FSD1L: variants seen among roughly 807,000 people sequenced by gnomAD.
FSD1L encodes FSD1-like protein.
FSD1L carries 45 observed loss-of-function variants against 71.6 expected under a neutral mutation model. The observed-to-expected ratio is 0.63, with a 90% CI of 0.49 to 0.81. FSD1L has a LOEUF of 0.81. Ranked by LOEUF, FSD1L falls within the 30% of genes least tolerant of loss-of-function variation. FSD1L has a pLI of 0.00. For missense variants in FSD1L, 561 were observed against 618.1 expected (o/e 0.91, Z 0.98); for synonymous variants, 197 against 207.2 (o/e 0.95, Z 0.42).
chr9:105,521,889 GA>G (rs1835186673), intron 10 of FSD1L: 5 of 1,612,328 alleles, frequency 3.1e-6, no homozygotes, highest in Non-Finnish European at 4.2e-6. Context: ...ACCTGCAAAT[GA>G]AATAAAAAAT....
At chr9:105,546,246 G>A in intron 13 of FSD1L, 112 bp from the exon 14 acceptor site, 4 of 923,568 alleles carry the variant, frequency 4.3e-6, no homozygotes, top group Admixed American at 3.2e-5. Flanking sequence ...TAATGTGTTT[G>A]AGAATGATTG....
In FSD1L at chr9:105,457,481, C is replaced by T. The variant is rs78798156; in HGVS notation, c.16-4039C>T. ...TGATTACTGGGGAGAAAGATTGTTA[C>T]CAGAGTCTGATTAAGAAAAATTTTG... On this transcript the variant is annotated intron_variant, in intron 1 of 13. Coordinates refer to ENST00000481272, the MANE Select transcript of FSD1L (RefSeq NM_001145313.3). Among the ~76,000 whole-genome samples the T allele has an allele frequency of 9.2e-3, 1,406 of 152,284 alleles. 21 individuals carry two copies. Among genetic ancestry groups the T allele is most frequent in the African/African-American group, 0.032 (1,346 of 41,554 alleles).
rs147565825 is a variant in FSD1L at position 105,489,308 on chromosome 9, T to G, written c.586+4806T>G. ...GTAAATATTGCTTTGGAGTTCTGAG[T>G]AAAAATTTCTAATCACTGTTTGTGA... On this transcript the variant is annotated intron_variant, in intron 7 of 13. Transcript: ENST00000481272. Among the ~76,000 whole-genome samples the G allele has an allele frequency of 2.1e-3, 320 of 152,276 alleles. 1 individual carries two copies. Among genetic ancestry groups the G allele is most frequent in the Non-Finnish European group, 3.8e-3 (260 of 68,000 alleles).
In FSD1L at chr9:105,495,969, T is replaced by TA. The variant is rs753244834; in HGVS notation, c.587-10414dup. 4.1e-3 allele frequency among the ~76,000 whole-genome samples: 555 copies of TA among 135,044 alleles called. 3 individuals carry two copies. Among genetic ancestry groups the TA allele is most frequent in the African/African-American group, 0.012 (421 of 36,328 alleles). The allele number at this position is 135,044 out of a possible 152,430, so 88.6% of individuals were successfully genotyped here. ...CCTGGCAGCAGAGTGAGACTCCATCTAAAAAAAAAAAAAAAAGAAAAGGAA... is the reference window on the plus strand; with the variant it reads ...CCTGGCAGCAGAGTGAGACTCCATCTAAAAAAAAAAAAAAAAAGAAAAGGAA... On this transcript the variant is annotated intron_variant, in intron 7 of 13. Transcript: ENST00000481272.
intron 1 of FSD1L, among the ~76,000 whole-genome samples, chr9:105,451,508 T>C (rs1304969394): frequency 1.3e-5 from 2 of 152,358 alleles, no homozygotes; most frequent in South Asian, 2.1e-4. Flanking sequence ...TCAGTGTTAA[T>C]GTTAGCAGCA....
At chr9:105,469,777 TAA>T (rs1198377590) in intron 4 of FSD1L, among the ~76,000 whole-genome samples, 1 of 151,996 alleles carries the variant, frequency 6.6e-6, no homozygotes, top group African/African-American at 2.4e-5. Context: ...AGAGAAGTTT[TAA>T]AGTTTTACGT....
At chr9:105,533,281 T>C (rs1211103958) in intron 10 of FSD1L, among the ~76,000 whole-genome samples, 1 of 151,974 alleles carries the variant, frequency 6.6e-6, no homozygotes, top group Non-Finnish European at 1.5e-5. Flanking sequence ...AACATCCCAA[T>C]ACTCCAGTTT....
intron 9 of FSD1L, among the ~76,000 whole-genome samples, chr9:105,511,802 C>T (rs1348060560): frequency 6.6e-6 from 1 of 152,030 alleles, no homozygotes; most frequent in African/African-American, 2.4e-5. Context: ...ACAAAATAAA[C>T]CTATAGAGAG....
At chr9:105,535,960 C>T (rs555489986) in intron 12 of FSD1L, among the ~76,000 whole-genome samples, 3 of 152,292 alleles carry the variant, frequency 2.0e-5, no homozygotes, top group African/African-American at 7.2e-5. Context: ...CAGAATGACT[C>T]ATGATATCTT....
At chr9:105,533,927 TAGTC>T (rs1026233880) in intron 10 of FSD1L, among the ~76,000 whole-genome samples, 6 of 152,218 alleles carry the variant, frequency 3.9e-5, no homozygotes, top group East Asian at 1.9e-4. Context: ...TTCTCCACGT[TAGTC>T]AGGCTCGTCT....
intron 1 of FSD1L, among the ~76,000 whole-genome samples, chr9:105,451,219 A>T (rs986454318): frequency 6.6e-6 from 1 of 152,192 alleles, no homozygotes; most frequent in African/African-American, 2.4e-5. Context: ...TCGGCCTCCC[A>T]AAGTGCTGGG....
intron 1 of FSD1L, among the ~76,000 whole-genome samples, chr9:105,458,568 T>TG (rs1830496422): frequency 2.6e-5 from 4 of 151,928 alleles, no homozygotes; most frequent in Admixed American, 2.6e-4. Context: ...GGGCTCAAAG[T>TG]GGGGAAGTGC....
At chr9:105,447,531 A>T (rs1215671485), upstream of FSD1L, among the ~76,000 whole-genome samples, 1 of 151,824 alleles carries the variant, frequency 6.6e-6, no homozygotes, top group East Asian at 1.9e-4. Context: ...CCCCGGGAAA[A>T]ACTGTGCCAG....
chr9:105,443,842 C>T (rs1248434927), upstream of FSD1L, among the ~76,000 whole-genome samples: 2 of 152,248 alleles, frequency 1.3e-5, no homozygotes, highest in Admixed American at 6.5e-5. Flanking sequence ...CACTACATGC[C>T]AGACACTGTG....
intron 3 of FSD1L, among the ~76,000 whole-genome samples, chr9:105,467,467 T>C (rs571256290): frequency 2.6e-4 from 39 of 152,288 alleles, no homozygotes; most frequent in African/African-American, 9.4e-4. Flanking sequence ...GCAGCAAATA[T>C]AGCAATGGGG....
chr9:105,504,465 C>T (rs373725970), intron 7 of FSD1L, among the ~76,000 whole-genome samples: 1 of 152,090 alleles, frequency 6.6e-6, no homozygotes, highest in Non-Finnish European at 1.5e-5. Flanking sequence ...ATTTTTCCAT[C>T]TTGGTGTTAT....
chr9:105,452,704 T>TTCCC, intron 1 of FSD1L, among the ~76,000 whole-genome samples: 1 of 149,326 alleles, frequency 6.7e-6, no homozygotes. Flanking sequence ...CCTTCCTTCC[T>TTCCC]TCCTTCCTTC....
chr9:105,508,025 A>C (rs1834159390), intron 8 of FSD1L, among the ~76,000 whole-genome samples: 1 of 150,792 alleles, frequency 6.6e-6, no homozygotes, highest in Non-Finnish European at 1.5e-5. Flanking sequence ...TTGAGTAGCC[A>C]CGCCCGGCTA....
intron 10 of FSD1L, chr9:105,521,596 T>A: frequency 1.2e-6 from 2 of 1,613,496 alleles, no homozygotes; most frequent in Non-Finnish European, 1.7e-6. Flanking sequence ...AAACCTTTGT[T>A]CATGCAAGAG....
Sources: gnomAD v4.1 joint callset for allele counts (sites outside exome capture counted in the v4.1 genomes callset) on GRCh38, gnomAD v4.1.1 for gene constraint, MANE v1.5 for transcripts, NCBI Gene and HGNC (gene_info 2026-07-23, HGNC 2026-07-21) for gene names.